Variants in NEO1 observed in about 807,000 individuals in gnomAD.
NEO1 encodes neogenin 1, also known as neogenin.
A neutral mutation model predicts 159.7 loss-of-function variants in NEO1; 63 were observed. The observed-to-expected ratio is 0.39, with a 90% CI of 0.32 to 0.49. The LOEUF (loss-of-function observed/expected upper bound fraction) is 0.49. Ranked by LOEUF, NEO1 falls within the 20% of genes least tolerant of loss-of-function variation. The pLI is 0.85. For missense variants in NEO1, 1,615 were observed against 1,831.0 expected, an observed-to-expected ratio of 0.88 and a Z score of 2.15; for synonymous variants, 633 against 662.0, an observed-to-expected ratio of 0.96 and a Z score of 0.67.
At chr15:73,255,777 G>A (rs1353401100) in intron 13 of NEO1, 1 of 152,134 alleles carries the variant, frequency 6.6e-6, no homozygotes, top group Non-Finnish European at 1.5e-5. Context: ...ACATGGGCTG[G>A]GCCTGTTGGA....
At chr15:73,254,399 C>T (rs2040235497) in intron 12 of NEO1, among the ~76,000 whole-genome samples, 1 of 152,106 alleles carries the variant, frequency 6.6e-6, no homozygotes, top group Non-Finnish European at 1.5e-5. Flanking sequence ...CTTCTGAAAA[C>T]TTTTCTGAGA....
At chr15:73,170,098 C>T (rs2034852782) in intron 5 of NEO1, among the ~76,000 whole-genome samples, 1 of 152,058 alleles carries the variant, frequency 6.6e-6, no homozygotes, top group Admixed American at 6.6e-5. Flanking sequence ...TACAGCCACA[C>T]AGTAAGTTAC....
chr15:73,259,884 T>C (rs926603988), intron 14 of NEO1, among the ~76,000 whole-genome samples: 14 of 152,160 alleles, frequency 9.2e-5, no homozygotes, highest in Admixed American at 6.5e-5. Context: ...GGCTTCCCAC[T>C]ACTCAGTTTA....
At chr15:73,262,684 C>G (rs538792917) in intron 15 of NEO1, among the ~76,000 whole-genome samples, 2 of 152,282 alleles carry the variant, frequency 1.3e-5, no homozygotes, top group Admixed American at 1.3e-4. Flanking sequence ...CTTTGGAAAA[C>G]AGTTTAGAGG....
intron 5 of NEO1, among the ~76,000 whole-genome samples, chr15:73,153,744 A>C (rs1241125816): frequency 6.6e-6 from 1 of 152,214 alleles, no homozygotes; most frequent in East Asian, 1.9e-4. Flanking sequence ...ACAATACCTG[A>C]CTTACATCTG....
chr15:73,193,975 A>G (rs2127278), intron 7 of NEO1, among the ~76,000 whole-genome samples: 3,268 of 152,162 alleles, frequency 0.021, 167 homozygotes, highest in East Asian at 0.2. Flanking sequence ...GAAGGCTCAA[A>G]GTGCATTTGG....
chr15:73,060,175 A>C (rs954623741), intron 1 of NEO1, among the ~76,000 whole-genome samples: 57 of 152,336 alleles, frequency 3.7e-4, no homozygotes, highest in African/African-American at 1.3e-3. Flanking sequence ...ATAGCTTTAA[A>C]TGTAACAAGT....
chr15:73,095,182 C>G (rs2069936707), intron 1 of NEO1, among the ~76,000 whole-genome samples: 1 of 150,800 alleles, frequency 6.6e-6, no homozygotes, highest in African/African-American at 2.5e-5. Context: ...GCACTCCAGC[C>G]TGGCGACAGA....
intron 1 of NEO1, among the ~76,000 whole-genome samples, chr15:73,095,302 A>C (rs1306940444): frequency 6.6e-6 from 1 of 152,132 alleles, no homozygotes; most frequent in Admixed American, 6.6e-5. Context: ...ACATTTTGAA[A>C]GTGTTTTTAA....
chr15:73,136,801 C>T (rs1006530500), intron 5 of NEO1, among the ~76,000 whole-genome samples: 50 of 152,132 alleles, frequency 3.3e-4, no homozygotes, highest in African/African-American at 1.1e-3. Flanking sequence ...CAAGTGCTGG[C>T]TAGAGGTGAC....
At chr15:73,137,180 A>G (rs1002006083) in intron 5 of NEO1, among the ~76,000 whole-genome samples, 1 of 152,216 alleles carries the variant, frequency 6.6e-6, no homozygotes, top group Non-Finnish European at 1.5e-5. Flanking sequence ...TGAACACCTG[A>G]ATAATACAAT....
In NEO1 at chr15:73,052,759, G is replaced by A. The variant is rs1162919505; in HGVS notation, c.84G>A (p.Ala28=). ...GCCTGCTGCTGCTCGGGCGCCGGGC[G>A]CCGGGCGCCGCGGCCGCCAGGAGCG... is the stretch of plus-strand genomic sequence containing the variant. ...LYCLLLLGRR[A]PGAAAARSGS... Residue 28 remains alanine (A), a synonymous_variant, in exon 1 of 29, where the codon GCG becomes GCA. Transcript: ENST00000261908. The A allele has an allele frequency of 2.1e-5, 27 of 1,267,282 alleles. No individual in the cohort carries two copies. Among genetic ancestry groups the A allele is most frequent in the Non-Finnish European group, 1.5e-5 (15 of 1,000,572 alleles). 78.5% of individuals were successfully genotyped at this position (1,267,282 alleles called of 1,614,324 possible).
At chr15:73,120,855 A>C (rs1284013974) in intron 2 of NEO1, among the ~76,000 whole-genome samples, 1 of 152,080 alleles carries the variant, frequency 6.6e-6, no homozygotes, top group African/African-American at 2.4e-5. Flanking sequence ...TTTTATTTTG[A>C]GATCATTTTA....
At chr15:73,203,622 T>A (rs1012944102) in intron 7 of NEO1, among the ~76,000 whole-genome samples, 5 of 152,160 alleles carry the variant, frequency 3.3e-5, no homozygotes, top group Non-Finnish European at 7.4e-5. Flanking sequence ...ATTTTGATTA[T>A]ACTTATTTTA....
chr15:73,138,764 A>AC (rs1401388030), intron 5 of NEO1, among the ~76,000 whole-genome samples: 3 of 133,306 alleles, frequency 2.3e-5, no homozygotes, highest in South Asian at 2.4e-4. Context: ...TCAAAAAAAA[A>AC]AAAAAAACAA....
At chr15:73,258,024 A>G (rs1410635020) in intron 13 of NEO1, among the ~76,000 whole-genome samples, 1 of 152,212 alleles carries the variant, frequency 6.6e-6, no homozygotes, top group African/African-American at 2.4e-5. Context: ...AGGATTAGCT[A>G]ACCAAACCAG....
At chr15:73,085,467 GT>G in intron 1 of NEO1, among the ~76,000 whole-genome samples, 1 of 152,092 alleles carries the variant, frequency 6.6e-6, no homozygotes, top group Non-Finnish European at 1.5e-5. Flanking sequence ...GCGTCAACAT[GT>G]TTTCATTTCT....
chr15:73,055,263 G>C (rs1217179793), intron 1 of NEO1, among the ~76,000 whole-genome samples: 2 of 152,178 alleles, frequency 1.3e-5, no homozygotes, highest in African/African-American at 4.8e-5. Flanking sequence ...TCTTCACCGA[G>C]GACTCTGTAG....
In NEO1 at chr15:73,254,745, A is replaced by G; in HGVS notation, c.2008A>G (p.Lys670Glu). The G allele has an allele frequency of 1.2e-6, 2 of 1,614,114 alleles. No homozygotes were observed. The highest frequency in any genetic ancestry group is 1.7e-6 in the Non-Finnish European group (2 of 1,179,988). ...ATQNGQITGY[K>E]IRYRKASRKS... ...ACAAAATGGGCAGATTACTGGCTAC[A>G]AGATTCGCTACCGAAAGGCCTCCCG... Residue 670 changes from lysine to glutamate, a missense_variant, in exon 13 of 29, where the codon AAG (lysine) becomes GAG (glutamate). Coordinates refer to ENST00000261908, the MANE Select transcript of NEO1 (RefSeq NM_002499.4).
Sources: allele counts gnomAD v4.1 joint callset (sites outside exome capture counted in the v4.1 genomes callset), GRCh38; gene constraint gnomAD v4.1.1; transcripts MANE v1.5; gene names NCBI Gene and HGNC (gene_info 2026-07-23, HGNC 2026-07-21).